The following NKAIN3 variants were observed in gnomAD, a reference collection of about 807,000 sequenced individuals.
NKAIN3 encodes sodium/potassium transporting ATPase interacting 3.
In NKAIN3, 25 loss-of-function variants were observed where a neutral mutation model predicts 30.2. The ratio of observed to expected loss-of-function variants is 0.83; its 90% CI spans 0.60 to 1.16. The LOEUF is 1.16. Among genes scored for constraint, NKAIN3 ranks in the 50% most tolerant of loss-of-function variants. NKAIN3 has a pLI of 0.00. For synonymous variants in NKAIN3, 91 were observed against 89.6 expected (o/e 1.02, Z -0.09); for missense variants, 225 against 254.1 (o/e 0.89, Z 0.78).
At chr8:62,803,026 T>C (rs1288511836) in intron 4 of NKAIN3, among the ~76,000 whole-genome samples, 4 of 152,074 alleles carry the variant, frequency 2.6e-5, no homozygotes, top group East Asian at 1.9e-4. Flanking sequence ...AAGGCCATTA[T>C]ATAATGGTAA....
intron 4 of NKAIN3, among the ~76,000 whole-genome samples, chr8:62,847,361 T>C (rs893770420): frequency 6.6e-6 from 1 of 152,152 alleles, no homozygotes; most frequent in African/African-American, 2.4e-5. Flanking sequence ...TTTTTGACTT[T>C]TTAGTAATAG....
intron 1 of NKAIN3, among the ~76,000 whole-genome samples, chr8:62,343,277 G>A (rs946211986): frequency 6.6e-6 from 1 of 151,826 alleles, no homozygotes; most frequent in African/African-American, 2.4e-5. Context: ...TATTATATAG[G>A]GTTGTTGTGA....
chr8:62,649,135 G>A (rs1812553528), intron 3 of NKAIN3, among the ~76,000 whole-genome samples: 1 of 152,258 alleles, frequency 6.6e-6, no homozygotes, highest in African/African-American at 2.4e-5. Flanking sequence ...AAAGAAAAAA[G>A]CATATTTCAA....
At chr8:62,558,228 G>A (rs1351971853) in intron 1 of NKAIN3, among the ~76,000 whole-genome samples, 1 of 151,802 alleles carries the variant, frequency 6.6e-6, no homozygotes. Flanking sequence ...AAGTATTTGG[G>A]TTTGTTTCTG....
At chr8:62,544,366 C>T (rs1334365228) in intron 1 of NKAIN3, among the ~76,000 whole-genome samples, 1 of 151,994 alleles carries the variant, frequency 6.6e-6, no homozygotes, top group Non-Finnish European at 1.5e-5. Flanking sequence ...ATTAAACATG[C>T]TATTTTTAAA....
At chr8:62,947,211 T>G (rs1204779983) in intron 5 of NKAIN3, among the ~76,000 whole-genome samples, 1 of 152,116 alleles carries the variant, frequency 6.6e-6, no homozygotes, top group Non-Finnish European at 1.5e-5. Flanking sequence ...ATAATAAGAA[T>G]GATGACTAAA....
chr8:62,976,350 T>C lies in NKAIN3; in HGVS notation c.*10943T>C, dbSNP rs1166247665. Among the ~76,000 whole-genome samples the C allele has an allele frequency of 6.6e-6, 1 of 152,184 alleles. No individual in the cohort carries two copies. Among genetic ancestry groups the C allele is most frequent in the Non-Finnish European group, 1.5e-5 (1 of 68,034 alleles). ...CTTTGTAGGTCTCTAAGAACTTGCT[T>C]TATGAATCTGGGTGCTCCACTATTA... On this transcript the variant is annotated 3_prime_UTR_variant, in exon 7 of 7. Coordinates refer to ENST00000623646, the MANE Select transcript of NKAIN3 (RefSeq NM_001304533.3).
intron 4 of NKAIN3, among the ~76,000 whole-genome samples, chr8:62,814,901 T>G (rs902511433): frequency 6.6e-6 from 1 of 151,650 alleles, no homozygotes; most frequent in Admixed American, 6.6e-5. Flanking sequence ...CAGAAGGAAA[T>G]AGAGACACAA....
In NKAIN3 at chr8:62,980,414, G is replaced by A. The variant is rs1824048853; in HGVS notation, c.*15007G>A. On this transcript the variant is annotated 3_prime_UTR_variant, in exon 7 of 7. Coordinates refer to ENST00000623646, the MANE Select transcript of NKAIN3 (RefSeq NM_001304533.3). ...GATAATATACTAGGACCATCTATCA[G>A]ATATGAAACCAAGCATAATCATTGC... The A allele has an allele frequency of 6.6e-6, 1 of 152,132 alleles. No individual in the cohort carries two copies. Among genetic ancestry groups the A allele is most frequent in the Non-Finnish European group, 1.5e-5 (1 of 68,024 alleles). 9.4% of individuals were successfully genotyped at this position (152,132 alleles called of 1,614,324 possible).
At chr8:62,423,241 A>G (rs190441743) in intron 1 of NKAIN3, among the ~76,000 whole-genome samples, 5 of 152,164 alleles carry the variant, frequency 3.3e-5, no homozygotes, top group African/African-American at 4.8e-5. Flanking sequence ...AAGGAAGGAT[A>G]GCCTGAATAT....
At chr8:62,588,209 G>C (rs1810538131) in intron 2 of NKAIN3, among the ~76,000 whole-genome samples, 1 of 151,668 alleles carries the variant, frequency 6.6e-6, no homozygotes, top group African/African-American at 2.4e-5. Flanking sequence ...GCTAGCAAGA[G>C]CTTCAAAACT....
chr8:62,937,619 G>C (rs1276841819), intron 5 of NKAIN3, among the ~76,000 whole-genome samples: 2 of 152,030 alleles, frequency 1.3e-5, no homozygotes, highest in African/African-American at 4.8e-5. Context: ...GAAAAACTAC[G>C]AGGAGAAAGA....
At chr8:62,508,186 A>G (rs1339854599) in intron 1 of NKAIN3, among the ~76,000 whole-genome samples, 1 of 152,072 alleles carries the variant, frequency 6.6e-6, no homozygotes, top group Non-Finnish European at 1.5e-5. Context: ...AGAGTGGTGA[A>G]CCCTCCCTGC....
intron 4 of NKAIN3, among the ~76,000 whole-genome samples, chr8:62,879,471 A>C (rs1820908186): frequency 6.6e-6 from 1 of 151,408 alleles, no homozygotes; most frequent in Non-Finnish European, 1.5e-5. Context: ...TTGCCTGTTC[A>C]CTCTGATGGT....
intron 1 of NKAIN3, among the ~76,000 whole-genome samples, chr8:62,383,202 C>T (rs1817328744): frequency 6.6e-6 from 1 of 152,150 alleles, no homozygotes; most frequent in Non-Finnish European, 1.5e-5. Flanking sequence ...CAAAGTACTT[C>T]CTCACTTCAG....
chr8:62,281,166 G>A (rs987045708), intron 1 of NKAIN3, among the ~76,000 whole-genome samples: 1 of 152,112 alleles, frequency 6.6e-6, no homozygotes, highest in Non-Finnish European at 1.5e-5. Flanking sequence ...TTGCATACAG[G>A]TGTTTATAGT....
At position 62,837,268 on chromosome 8, in the gene NKAIN3, C is replaced by T. The variant is rs1189801252; in HGVS notation, c.472-81185C>T. The stretch of plus-strand genomic sequence containing the variant: ...TCATAGATAGGGAAGGTAACACTCT[C>T]TCCATTTCAGTTAAAGCATTCCTTC... On this transcript the variant is annotated intron_variant, in intron 4 of 6. Transcript: ENST00000623646. Among the ~76,000 whole-genome samples the T allele has an allele frequency of 2.0e-5, 3 of 152,224 alleles. 1 individual carries two copies. The highest frequency in any genetic ancestry group is 1.9e-4 in the East Asian group (1 of 5,176).
chr8:62,836,473 G>A (rs1262402104), intron 4 of NKAIN3, among the ~76,000 whole-genome samples: 1 of 151,980 alleles, frequency 6.6e-6, no homozygotes, highest in Non-Finnish European at 1.5e-5. Flanking sequence ...TTTCATAAAT[G>A]TACTAAATAT....
chr8:62,918,484 T>A lies in NKAIN3; in HGVS notation c.503T>A (p.Ile168Asn). 5 of 1,613,342 alleles carry A rather than the reference T, an allele frequency of 3.1e-6. No homozygotes were observed. The highest frequency in any genetic ancestry group is 4.2e-6 in the Non-Finnish European group (5 of 1,179,390). Reference protein sequence around the residue: ...LVGFVYACYVISISMEEEDTF... With the variant: ...LVGFVYACYVNSISMEEEDTF... The stretch of plus-strand genomic sequence containing the variant: ...GGTTTTGTGTATGCCTGTTATGTGA[T>A]CAGTATTTCCATGGAAGAAGAAGAC... The change falls in exon 5 of 7, where the codon ATC (isoleucine) becomes AAC (asparagine). Residue 168 changes from isoleucine to asparagine, a missense_variant. Physicochemically the swap from Ile to Asn is moderately radical, Grantham distance 149. Coordinates refer to ENST00000623646, the MANE Select transcript of NKAIN3 (RefSeq NM_001304533.3).
Sources: gnomAD v4.1 joint callset for allele counts (sites outside exome capture counted in the v4.1 genomes callset) on GRCh38, gnomAD v4.1.1 for gene constraint, MANE v1.5 for transcripts, NCBI Gene and HGNC (gene_info 2026-07-23, HGNC 2026-07-21) for gene names.